Variants in XPO5 observed in about 807,000 individuals in gnomAD.
XPO5 encodes the protein exportin 5.
In XPO5, 46 loss-of-function variants were observed where a neutral mutation model predicts 160.6. The ratio of observed to expected loss-of-function variants is 0.29; its 90% CI spans 0.23 to 0.37. The LOEUF (loss-of-function observed/expected upper bound fraction) is 0.37, where lower values mean the gene tolerates loss of function less well. XPO5 is among the 10% of genes least tolerant of loss of function. The pLI, the probability that XPO5 is intolerant of heterozygous loss-of-function variation, is 1.00. For missense variants in XPO5, 1,090 were observed against 1,463.9 expected (o/e 0.74, Z 4.17); for synonymous variants, 537 against 519.3 (o/e 1.03, Z -0.46).
intron 2 of XPO5, 100 bp downstream of exon 2, chr6:43,573,380 T>TTGCTCTTCTC: frequency 6.9e-7 from 1 of 1,458,570 alleles, no homozygotes; most frequent in Admixed American, 2.1e-5. Flanking sequence ...TTCTTGGAGA[T>TTGCTCTTCTC]TGCTCTTCTC....
In XPO5 at chr6:43,524,839, C is replaced by T; in HGVS notation, c.3304G>A (p.Glu1102Lys). ...SLVHLAFQIY[E>K]ALRPRYLEIR... ...ATGCCTTCCCCACTCACCAGTGCCT[C>T]GTATATCTGGAAGGCCAGATGGACC... Residue 1102 changes from glutamate (E) to lysine (K), a missense_variant, in exon 30 of 32, where the codon GAG becomes AAG. By Grantham distance (56) the Glu-to-Lys change is moderately conservative (BLOSUM62 1). Around this residue, in one of 3 missense-constraint regions of XPO5, gnomAD observed 810 missense variants for 1,139.0 expected, o/e 0.71. Transcript: ENST00000265351. 2 of 1,612,180 alleles carry T rather than the reference C, an allele frequency of 1.2e-6. No homozygotes were observed. The highest frequency in any genetic ancestry group is 1.8e-4 in the Middle Eastern group (1 of 5,662).
rs570160251 is a variant in XPO5 at position 43,573,672 on chromosome 6, G to C, written c.106-71C>G. 321 of 1,530,524 alleles carry C rather than the reference G, an allele frequency of 2.1e-4. 2 individuals carry two copies. In the Middle Eastern group the frequency reaches 2.4e-3, roughly 12 times the overall value. 94.8% of individuals were successfully genotyped at this position (1,530,524 alleles called of 1,614,324 possible). ...AGGGACTAAAAGAATTTCATCTTAAGAAACTCCAACCAGGGCCGGGTGCGG... is the reference window on the plus strand; with the variant it reads ...AGGGACTAAAAGAATTTCATCTTAACAAACTCCAACCAGGGCCGGGTGCGG... On this transcript the variant is annotated intron_variant, in intron 1 of 31. Transcript: ENST00000265351.
At chr6:43,534,884 G>A (rs776726678) in intron 20 of XPO5, among the ~76,000 whole-genome samples, 26 of 152,054 alleles carry the variant, frequency 1.7e-4, no homozygotes, top group Non-Finnish European at 3.4e-4. Flanking sequence ...TGTAATCCCA[G>A]TTACTTGGGA....
At chr6:43,561,707 A>C (rs1238407838) in intron 9 of XPO5, 1 of 153,182 alleles carries the variant, frequency 6.5e-6, no homozygotes, top group African/African-American at 2.4e-5. Context: ...CTCTGAAACT[A>C]TCCTCTCTAA....
rs1474709195 is a variant in XPO5, at chr6:43,542,356, T to C, written c.2342+4215A>G. Among the ~76,000 whole-genome samples the C allele has an allele frequency of 2.0e-5, 3 of 152,208 alleles. No homozygotes were observed. The South Asian group carries it at 6.2e-4, about 31-fold the overall frequency. ...TGACGCAGGAGGTGCTATGAATACCTTGCTACATTCTTAAAGCAAACTTTT... is the reference window on the plus strand; with the variant it reads ...TGACGCAGGAGGTGCTATGAATACCCTGCTACATTCTTAAAGCAAACTTTT... On this transcript the variant is annotated intron_variant, in intron 20 of 31. Transcript: ENST00000265351.
chr6:43,551,901 A>C (rs1038826007), intron 14 of XPO5, among the ~76,000 whole-genome samples: 7 of 152,108 alleles, frequency 4.6e-5, no homozygotes, highest in African/African-American at 1.4e-4. Flanking sequence ...TCCTGGGTTC[A>C]AGCATTCCTC....
rs1386676777 is a variant in XPO5, at chr6:43,522,598, A to G, written c.*1270T>C. The stretch of plus-strand genomic sequence containing the variant: ...GCACCACACAGGAAGAGGGAGCAAC[A>G]CAAGACTCCCAACTTCTGCTTCCCC... On this transcript the variant is annotated 3_prime_UTR_variant, in exon 32 of 32. Transcript: ENST00000265351. The G allele has an allele frequency of 2.7e-6, 1 of 369,728 alleles. No homozygotes were observed. The highest frequency in any genetic ancestry group is 6.0e-6 in the Non-Finnish European group (1 of 166,772). 22.9% of individuals were successfully genotyped at this position (369,728 alleles called of 1,614,324 possible).
intron 13 of XPO5, 80 bp downstream of exon 13, chr6:43,555,756 A>G: frequency 3.8e-6 from 6 of 1,566,980 alleles, no homozygotes; most frequent in Non-Finnish European, 5.2e-6. Context: ...TGATGTGTGT[A>G]TAGCTCAGGC....
intron 27 of XPO5, 171 bp from the exon 28 acceptor site, chr6:43,526,092 T>C (rs1259021245): frequency 3.2e-6 from 2 of 629,046 alleles, no homozygotes; most frequent in East Asian, 2.8e-5. Flanking sequence ...CCATGGCTGA[T>C]CTTCTAGAGA....
At chr6:43,544,786 G>A (rs1013759443) in intron 20 of XPO5, among the ~76,000 whole-genome samples, 1 of 152,142 alleles carries the variant, frequency 6.6e-6, no homozygotes, top group African/African-American at 2.4e-5. Flanking sequence ...GCCTCTTCTT[G>A]ACTAAATGTT....
chr6:43,560,410 A>G, intron 10 of XPO5, 107 bp from the exon 11 acceptor site: 1 of 1,355,326 alleles, frequency 7.4e-7, no homozygotes, highest in Non-Finnish European at 9.7e-7. Context: ...AAATCTGTAC[A>G]ATACTTTGAA....
Position 43,528,887 on chromosome 6 carries a change from C to G in XPO5, c.2716G>C (p.Glu906Gln), listed in dbSNP as rs937556059. 1.9e-6 allele frequency: 3 copies of G among 1,613,700 alleles called. No homozygotes were observed. Among genetic ancestry groups the G allele is most frequent in the African/African-American group, 2.7e-5 (2 of 74,940 alleles). The stretch of plus-strand genomic sequence containing the variant: ...GGGGATACCAGGGCTTCATAGTGCT[C>G]TGGGGGACAGAAGAGCACCAGAGGC... ...VKPLVLFCPP[E>Q]HYEALVSPIL... Residue 906 changes from glutamate to glutamine, a missense_variant, in exon 24 of 32, where the codon GAG (glutamate) becomes CAG (glutamine). By Grantham distance (29) the Glu-to-Gln change is conservative (BLOSUM62 2). This residue lies in a region of XPO5 where 810 missense variants were observed against 1,139.0 expected (regional missense o/e 0.71). Coordinates refer to ENST00000265351, the MANE Select transcript of XPO5 (RefSeq NM_020750.3).
intron 8 of XPO5, 143 bp from the exon 9 acceptor site, chr6:43,562,489 T>C: frequency 1.5e-6 from 1 of 656,984 alleles, no homozygotes; most frequent in South Asian, 2.0e-5. Flanking sequence ...TTAAAAATTT[T>C]TTAAAATCTT....
At chr6:43,528,733 G>GA in intron 24 of XPO5, 95 bp downstream of exon 24, 1 of 1,221,222 alleles carries the variant, frequency 8.2e-7, no homozygotes. Context: ...AGGGCTAGTA[G>GA]ACAACACTTC....
intron 27 of XPO5, 103 bp from the exon 28 acceptor site, chr6:43,526,024 G>C: frequency 7.4e-7 from 1 of 1,347,192 alleles, no homozygotes; most frequent in African/African-American, 1.4e-5. Context: ...GAGTGTTCTA[G>C]GCTAAGTGGT....
In XPO5 at chr6:43,523,641, G is replaced by A; in HGVS notation, c.*227C>T. The A allele has an allele frequency of 1.3e-6, 1 of 789,714 alleles. No individual in the cohort carries two copies. The highest frequency in any genetic ancestry group is 2.3e-6 in the Non-Finnish European group (1 of 439,418). 48.9% of individuals were successfully genotyped at this position (789,714 alleles called of 1,614,324 possible). A position where few individuals can be genotyped will look rare whatever the true frequency, so the allele number is the denominator to read the frequency against. ...TCCAAGTAGAATGGGAACTATCTGG[G>A]ACATCTAGACAGAATAGTTTAAGCC... On this transcript the variant is annotated 3_prime_UTR_variant, in exon 32 of 32. Coordinates refer to ENST00000265351, the MANE Select transcript of XPO5 (RefSeq NM_020750.3).
intron 9 of XPO5, chr6:43,561,653 A>C (rs1210676437): frequency 1.3e-5 from 2 of 153,370 alleles, no homozygotes; most frequent in Non-Finnish European, 2.9e-5. Context: ...TGCTGGGATT[A>C]CAGGCATGAG....
intron 10 of XPO5, 75 bp from the exon 11 acceptor site, chr6:43,560,378 A>G (rs1762355360): frequency 1.4e-6 from 2 of 1,469,286 alleles, no homozygotes; most frequent in South Asian, 1.3e-5. Context: ...AGCAGTTATC[A>G]ACTACATTTT....
intron 10 of XPO5, 97 bp from the exon 11 acceptor site, chr6:43,560,400 A>C: frequency 7.2e-7 from 1 of 1,397,518 alleles, no homozygotes; most frequent in East Asian, 2.5e-5. Flanking sequence ...TCATAGAAAT[A>C]AATCTGTACA....
Sources: gnomAD v4.1 joint callset for allele counts (sites outside exome capture counted in the v4.1 genomes callset) on GRCh38, gnomAD v4.1.1 for gene constraint, gnomAD v4.1.1 regional missense constraint, MANE v1.5 for transcripts, NCBI Gene and HGNC (gene_info 2026-07-23, HGNC 2026-07-21) for gene names.